MAPT: variants seen among roughly 807,000 people sequenced by gnomAD.
MAPT encodes microtubule associated protein tau.
Under a neutral mutation model 67.9 loss-of-function variants are expected in MAPT, and 34 were observed. The observed-to-expected ratio is 0.50, with a 90% CI of 0.38 to 0.67. The LOEUF is 0.67. Among genes scored for constraint, MAPT ranks in the 30% least tolerant of loss-of-function variants. The pLI is 0.00. For synonymous variants in MAPT, 456 were observed against 464.5 expected, an observed-to-expected ratio of 0.98 and a Z score of 0.23; for missense variants, 881 against 1,115.2, an observed-to-expected ratio of 0.79 and a Z score of 2.99.
At chr17:45,922,552 C>T (rs1229134760) in intron 1 of MAPT, among the ~76,000 whole-genome samples, 5 of 147,986 alleles carry the variant, frequency 3.4e-5, no homozygotes. Context: ...TATATTCTAC[C>T]TATATGCAAT....
chr17:45,982,409 A>G (rs62063784), intron 4 of MAPT, among the ~76,000 whole-genome samples: 21,997 of 151,914 alleles, frequency 0.14, 2,142 homozygotes, highest in Non-Finnish European at 0.22. Context: ...CCCAAACCAG[A>G]TACCATCTAG....
intron 1 of MAPT, among the ~76,000 whole-genome samples, chr17:45,923,743 A>T (rs902920293): frequency 7.2e-5 from 11 of 152,216 alleles, no homozygotes; most frequent in African/African-American, 2.7e-4. Flanking sequence ...CTTTGAGAAC[A>T]TATGTCCTGC....
At chr17:45,989,803 C>T (rs2073916692) in intron 6 of MAPT, 75 bp from the exon 7 acceptor site, 1 of 1,325,666 alleles carries the variant, frequency 7.5e-7, no homozygotes, top group Admixed American at 1.7e-5. Context: ...TTTTTAGTTA[C>T]TGTCCTTTTT....
chr17:45,954,033 C>T (rs559650165), intron 1 of MAPT, among the ~76,000 whole-genome samples: 1 of 152,202 alleles, frequency 6.6e-6, no homozygotes, highest in Non-Finnish European at 1.5e-5. Flanking sequence ...CGAAGAAATA[C>T]TGGAGAAGCC....
chr17:45,966,623 G>A (rs1469496788), intron 2 of MAPT, among the ~76,000 whole-genome samples: 2 of 152,090 alleles, frequency 1.3e-5, no homozygotes, highest in African/African-American at 2.4e-5. Context: ...CAGGAAAGAA[G>A]TAGGTTTTAC....
intron 1 of MAPT, among the ~76,000 whole-genome samples, chr17:45,945,017 T>G (rs1469841731): frequency 6.6e-6 from 1 of 152,204 alleles, no homozygotes; most frequent in African/African-American, 2.4e-5. Context: ...TTGCCTTGGT[T>G]TTCCCAGCTG....
intron 1 of MAPT, among the ~76,000 whole-genome samples, chr17:45,899,391 G>A (rs1015470549): frequency 6.6e-6 from 1 of 152,152 alleles, no homozygotes; most frequent in African/African-American, 2.4e-5. Flanking sequence ...TCTTTTAGGA[G>A]GCCCTATTCT....
chr17:45,956,922 T>C (rs1332124093), intron 1 of MAPT, among the ~76,000 whole-genome samples: 1 of 151,970 alleles, frequency 6.6e-6, no homozygotes, highest in Non-Finnish European at 1.5e-5. Flanking sequence ...ACAAAGGACA[T>C]GAACTCATCA....
At chr17:45,962,582 T>C (rs1451593913) in intron 2 of MAPT, 112 bp downstream of exon 2, 3 of 1,383,532 alleles carry the variant, frequency 2.2e-6, no homozygotes, top group Non-Finnish European at 3.0e-6. Flanking sequence ...TGTCTTAGAC[T>C]GTCAGTAAAG....
chr17:45,961,297 C>G (rs774351715), intron 1 of MAPT, among the ~76,000 whole-genome samples: 11 of 152,194 alleles, frequency 7.2e-5, no homozygotes, highest in Non-Finnish European at 1.6e-4. Context: ...GCTGAAGTGG[C>G]ATCTCCCTGC....
chr17:45,991,320 A>T, intron 7 of MAPT, 140 bp from the exon 8 acceptor site: 1 of 996,320 alleles, frequency 1.0e-6, no homozygotes, highest in Non-Finnish European at 1.6e-6. Context: ...AGCAGACACT[A>T]GTGGCATCTA....
At chr17:46,001,896 C>G (rs1344716707) in intron 9 of MAPT, among the ~76,000 whole-genome samples, 1 of 152,058 alleles carries the variant, frequency 6.6e-6, no homozygotes, top group Admixed American at 6.5e-5. Context: ...GCAGCCTGCA[C>G]AAGTCAGCAA....
At chr17:45,909,103 T>C (rs550707865) in intron 1 of MAPT, among the ~76,000 whole-genome samples, 1 of 152,282 alleles carries the variant, frequency 6.6e-6, no homozygotes, top group African/African-American at 2.4e-5. Context: ...CACACAGCCC[T>C]GAGTGCAAAA....
At chr17:45,991,215 A>C (rs1010160352) in intron 7 of MAPT, among the ~76,000 whole-genome samples, 49 of 152,116 alleles carry the variant, frequency 3.2e-4, no homozygotes, top group African/African-American at 1.2e-3. Context: ...GCTGATAACT[A>C]ATGCACACAG....
At position 45,953,003 on chromosome 17, in the gene MAPT, TATG is replaced by T. The variant is rs72430786; in HGVS notation, c.-17-9289_-17-9287del. 8.4e-3 allele frequency among the ~76,000 whole-genome samples: 1,251 copies of T among 149,506 alleles called. 17 individuals carry two copies. The highest frequency in any genetic ancestry group is 0.027 in the African/African-American group (1,112 of 40,560). ...CCAGACTCCTGGGAATCATAACACC[TATG>T]ATGATGATGATGATGATGATGATGA... On this transcript the variant is annotated intron_variant, in intron 1 of 12. Transcript: ENST00000262410.
chr17:45,957,046 C>T (rs926225336), intron 1 of MAPT, among the ~76,000 whole-genome samples: 16 of 151,934 alleles, frequency 1.1e-4, no homozygotes, highest in Admixed American at 5.3e-4. Context: ...TGAATAGTGC[C>T]GCAATAAACA....
rs2076706541 is a variant in MAPT, at chr17:46,024,218, G to C, written c.*47G>C. On this transcript the variant is annotated 3_prime_UTR_variant, in exon 13 of 13. Transcript: ENST00000262410. ...TAATTGTGGAGAGGAGAGAATGAGA[G>C]AGTGTGGAAAAAAAAAGAATAATGA... The C allele has an allele frequency of 6.5e-7, 1 of 1,544,568 alleles. No homozygotes were observed. The highest frequency in any genetic ancestry group is 1.7e-5 in the Admixed American group (1 of 59,682).
chr17:45,982,339 T>C (rs901434783), intron 4 of MAPT, among the ~76,000 whole-genome samples: 1 of 38,350 alleles, frequency 2.6e-5, no homozygotes, highest in African/African-American at 1.1e-4. Context: ...AAAAAAGGGG[T>C]GGGGGGCGGG....
chr17:46,023,748 G>A (rs2076673055), intron 12 of MAPT, among the ~76,000 whole-genome samples: 1 of 152,216 alleles, frequency 6.6e-6, no homozygotes, highest in South Asian at 2.1e-4. Flanking sequence ...GGCTGAGGTG[G>A]GAGAATCACC....
Sources: allele counts gnomAD v4.1 joint callset (sites outside exome capture counted in the v4.1 genomes callset), GRCh38; gene constraint gnomAD v4.1.1; transcripts MANE v1.5; gene names NCBI Gene and HGNC (gene_info 2026-07-23, HGNC 2026-07-21).